PRIM2: variants seen among roughly 807,000 people sequenced by gnomAD.
PRIM2 encodes DNA primase large subunit.
PRIM2 carries 39 observed loss-of-function variants against 67.3 expected under a neutral mutation model. The observed-to-expected ratio is 0.58, with a 90% CI of 0.45 to 0.76. The LOEUF is 0.76. Among genes scored for constraint, PRIM2 ranks in the 30% least tolerant of loss-of-function variants. The probability of loss-of-function intolerance (pLI) is 0.00; values close to 1 mark genes in which losing one functional copy is unlikely to be tolerated. For synonymous variants in PRIM2, 143 were observed against 198.7 expected (o/e 0.72, Z 2.36); for missense variants, 398 against 598.7 (o/e 0.66, Z 3.50).
At chr6:57,288,226 G>A in the PRIM2 span, among the ~76,000 whole-genome samples, 1 of 152,168 alleles carries the variant, frequency 6.6e-6, no homozygotes, top group Admixed American at 6.5e-5. Flanking sequence ...TGGGGAGGGG[G>A]TGTCTGCCAT....
In PRIM2 at chr6:57,601,119, C is replaced by A; in HGVS notation, c.1047C>A (p.Ile349=). 1 of 1,611,792 alleles carries A rather than the reference C, an allele frequency of 6.2e-7. No individual in the cohort carries two copies. The highest frequency in any genetic ancestry group is 8.5e-7 in the Non-Finnish European group (1 of 1,178,722). ...TTGATAAAGGTTACTCTTACAACAT[C>A]CGTCACAGCTTTGGAAAGGAAGGCA... ...DKFDKGYSYN[I]RHSFGKEGKR... is the part of the protein sequence containing the mutation. The change falls in exon 11 of 14, where the codon ATC becomes ATA. Residue 349 remains isoleucine (I), a synonymous_variant. Coordinates refer to ENST00000615550, the MANE Select transcript of PRIM2 (RefSeq NM_000947.5).
chr6:57,390,636 G>A (rs1260614347), intron 7 of PRIM2, among the ~76,000 whole-genome samples: 1 of 152,136 alleles, frequency 6.6e-6, no homozygotes, highest in African/African-American at 2.4e-5. Flanking sequence ...AGAACATGTG[G>A]TATTAGGTTT....
chr6:57,607,746 A>T (rs1368614704), intron 12 of PRIM2, among the ~76,000 whole-genome samples: 10 of 152,226 alleles, frequency 6.6e-5, no homozygotes, highest in Non-Finnish European at 1.3e-4. Flanking sequence ...ATCATAAAGG[A>T]TCACCTTTTT....
At chr6:57,443,263 C>T (rs569335087) in intron 7 of PRIM2, among the ~76,000 whole-genome samples, 122 of 152,218 alleles carry the variant, frequency 8.0e-4, no homozygotes, top group Non-Finnish European at 1.5e-3. Flanking sequence ...TGGGTAAGTA[C>T]CCAGAAGTAG....
chr6:57,569,332 A>G (rs1775817723), intron 10 of PRIM2, among the ~76,000 whole-genome samples: 1 of 152,202 alleles, frequency 6.6e-6, no homozygotes, highest in African/African-American at 2.4e-5. Flanking sequence ...TATTTTATGC[A>G]TGTTAATTTG....
chr6:57,331,585 A>G (rs1290646962), intron 5 of PRIM2, among the ~76,000 whole-genome samples: 1 of 152,112 alleles, frequency 6.6e-6, no homozygotes, highest in Non-Finnish European at 1.5e-5. Flanking sequence ...CTTATTATGA[A>G]TCTATTTAAG....
At chr6:57,400,874 A>C (rs973259785) in intron 7 of PRIM2, among the ~76,000 whole-genome samples, 4 of 152,046 alleles carry the variant, frequency 2.6e-5, no homozygotes, top group Non-Finnish European at 5.9e-5. Flanking sequence ...AAGTTCTGAG[A>C]TTCTTTCTTC....
the PRIM2 span, among the ~76,000 whole-genome samples, chr6:57,291,798 C>T: frequency 6.6e-6 from 1 of 152,130 alleles, no homozygotes; most frequent in Non-Finnish European, 1.5e-5. Flanking sequence ...ATTCAACAGC[C>T]CTTCATCCTA....
chr6:57,334,889 T>C (rs1304509755), intron 5 of PRIM2, among the ~76,000 whole-genome samples: 2 of 152,234 alleles, frequency 1.3e-5, no homozygotes, highest in Non-Finnish European at 2.9e-5. Flanking sequence ...AGCTCCGGTC[T>C]ACAGCTCCCA....
intron 7 of PRIM2, among the ~76,000 whole-genome samples, chr6:57,499,385 T>C (rs1774079199): frequency 6.6e-6 from 1 of 152,144 alleles, no homozygotes; most frequent in African/African-American, 2.4e-5. Flanking sequence ...ATTCTCACCT[T>C]CTCCTGGCTC....
chr6:57,316,193 G>T (rs1308364836), upstream of PRIM2, among the ~76,000 whole-genome samples: 1 of 152,138 alleles, frequency 6.6e-6, no homozygotes, highest in Non-Finnish European at 1.5e-5. Flanking sequence ...TTGGGAGGCC[G>T]AGGTGGGCGG....
intron 5 of PRIM2, among the ~76,000 whole-genome samples, chr6:57,337,801 G>C (rs974832651): frequency 2.6e-5 from 4 of 151,972 alleles, no homozygotes; most frequent in Non-Finnish European, 5.9e-5. Context: ...ATTAGGATTA[G>C]AAAAGCAAGA....
chr6:57,397,297 C>T (rs1581861877), intron 7 of PRIM2, among the ~76,000 whole-genome samples: 2 of 152,272 alleles, frequency 1.3e-5, no homozygotes, highest in East Asian at 1.9e-4. Context: ...TTCTCAGGAA[C>T]ACTGATTATT....
At chr6:57,460,249 A>T (rs1772959822) in intron 7 of PRIM2, among the ~76,000 whole-genome samples, 1 of 151,972 alleles carries the variant, frequency 6.6e-6, no homozygotes, top group Admixed American at 6.6e-5. Flanking sequence ...GAGTGTACTG[A>T]ATTAGAAAAA....
chr6:57,437,091 A>G (rs561384948), intron 7 of PRIM2, among the ~76,000 whole-genome samples: 1 of 152,328 alleles, frequency 6.6e-6, no homozygotes, highest in East Asian at 1.9e-4. Flanking sequence ...TACTCATGGC[A>G]GAAGGCAAAA....
At chr6:57,298,359 TCAAAA>T in the PRIM2 span, among the ~76,000 whole-genome samples, 4 of 151,674 alleles carry the variant, frequency 2.6e-5, no homozygotes, top group Non-Finnish European at 4.4e-5. Context: ...AGACTCTGTC[TCAAAA>T]CAAAACAAAA....
intron 10 of PRIM2, among the ~76,000 whole-genome samples, chr6:57,554,018 CA>C (rs1273590683): frequency 1.3e-5 from 2 of 152,140 alleles, no homozygotes; most frequent in African/African-American, 4.8e-5. Flanking sequence ...ATTATTTTAA[CA>C]CAATTTTATG....
At chr6:57,350,409 A>C (rs1768823244) in intron 5 of PRIM2, among the ~76,000 whole-genome samples, 1 of 152,242 alleles carries the variant, frequency 6.6e-6, no homozygotes, top group African/African-American at 2.4e-5. Context: ...GTTAGTGTAA[A>C]GAAAACCATA....
At chr6:57,247,484 G>A in the PRIM2 span, among the ~76,000 whole-genome samples, 1 of 152,300 alleles carries the variant, frequency 6.6e-6, no homozygotes, top group East Asian at 1.9e-4. Context: ...TTATAGTTGA[G>A]GCTTATTCAG....
Sources: gnomAD v4.1 joint callset for allele counts (sites outside exome capture counted in the v4.1 genomes callset) on GRCh38, gnomAD v4.1.1 for gene constraint, MANE v1.5 for transcripts, NCBI Gene and HGNC (gene_info 2026-07-23, HGNC 2026-07-21) for gene names.